WDSUB1: variants seen among roughly 807,000 people sequenced by gnomAD.
The protein encoded by WDSUB1 is WD repeat, sterile alpha motif and U-box domain containing 1.
Under a neutral mutation model 53.9 loss-of-function variants are expected in WDSUB1, and 49 were observed. The observed-to-expected ratio is 0.91, with a 90% CI of 0.72 to 1.15. WDSUB1 has a LOEUF of 1.15. Ranked by LOEUF, WDSUB1 falls within the 50% of genes most tolerant of loss-of-function variation. The probability of loss-of-function intolerance (pLI) is 0.00; values close to 1 mark genes in which losing one functional copy is unlikely to be tolerated. For synonymous variants in WDSUB1, 194 were observed against 200.6 expected, an observed-to-expected ratio of 0.97 and a Z score of 0.28; for missense variants, 514 against 562.0, an observed-to-expected ratio of 0.91 and a Z score of 0.86.
intron 3 of WDSUB1, among the ~76,000 whole-genome samples, chr2:159,278,432 G>A (rs2061587300): frequency 6.6e-6 from 1 of 152,126 alleles, no homozygotes; most frequent in Admixed American, 6.5e-5. Context: ...TGCCTGCCTG[G>A]AGCTTACAAG....
At chr2:159,274,107 G>GGA (rs2061493575) in intron 4 of WDSUB1, among the ~76,000 whole-genome samples, 1 of 152,296 alleles carries the variant, frequency 6.6e-6, no homozygotes, top group South Asian at 2.1e-4. Context: ...TCAACTTTGG[G>GGA]GAGGCAGAAA....
rs2061097420 is a variant in WDSUB1 at position 159,257,757 on chromosome 2, C to T, written c.952+1G>A. On this transcript the variant is annotated splice_donor_variant, in intron 8 of 10. Coordinates refer to ENST00000359774, the MANE Select transcript of WDSUB1 (RefSeq NM_001128212.3). LOFTEE classifies it high-confidence loss of function. ...GAGTGAAAAATGATGTCCTTACTAA[C>T]CTTGGCAAAGTGTTTCCAGGTCAAA... is the stretch of plus-strand genomic sequence containing the variant. 1 of 1,613,068 alleles carries T rather than the reference C, an allele frequency of 6.2e-7. No homozygotes were observed. The highest frequency in any genetic ancestry group is 1.3e-5 in the African/African-American group (1 of 74,980).
chr2:159,254,771 T>A (rs960355977), intron 9 of WDSUB1, among the ~76,000 whole-genome samples: 17 of 152,306 alleles, frequency 1.1e-4, no homozygotes, highest in South Asian at 4.1e-4. Context: ...GAGTTTTTTT[T>A]AAAAACAAAG....
chr2:159,246,209 G>A (rs2151059634), intron 10 of WDSUB1, among the ~76,000 whole-genome samples: 2 of 152,256 alleles, frequency 1.3e-5, no homozygotes, highest in Middle Eastern at 3.4e-3. Flanking sequence ...AAGGCAGGTG[G>A]ATCACGAGGT....
intron 4 of WDSUB1, among the ~76,000 whole-genome samples, chr2:159,272,088 G>A (rs890657880): frequency 2.2e-4 from 33 of 152,312 alleles, no homozygotes; most frequent in Admixed American, 2.0e-3. Context: ...GGGAGCTACA[G>A]GGCAATCTGT....
chr2:159,242,599 G>A (rs2060685168), intron 10 of WDSUB1, among the ~76,000 whole-genome samples: 1 of 147,706 alleles, frequency 6.8e-6, no homozygotes, highest in South Asian at 2.1e-4. Context: ...AGGTTGCAGT[G>A]AGCCAAGATT....
intron 10 of WDSUB1, among the ~76,000 whole-genome samples, chr2:159,239,246 G>GC (rs1284687063): frequency 7.2e-6 from 1 of 139,302 alleles, no homozygotes. Flanking sequence ...CTCAAACAAC[G>GC]CTCCCACCTT....
rs575535372 is a variant in WDSUB1 at position 159,253,477 on chromosome 2, T to C, written c.1132+2719A>G. 2.6e-5 allele frequency among the ~76,000 whole-genome samples: 4 copies of C among 152,336 alleles called. No individual in the cohort carries two copies. In the East Asian group the frequency reaches 5.8e-4, roughly 22 times the overall value. On this transcript the variant is annotated intron_variant, in intron 9 of 10. Coordinates refer to ENST00000359774, the MANE Select transcript of WDSUB1 (RefSeq NM_001128212.3). The stretch of plus-strand genomic sequence containing the variant: ...TTATTGTGTATTTACAAAAGACTCA[T>C]TGAAAAAAGATTTGATAAACTGCTC...
At chr2:159,266,228 G>A (rs1458944004) in intron 5 of WDSUB1, among the ~76,000 whole-genome samples, 1 of 151,624 alleles carries the variant, frequency 6.6e-6, no homozygotes, top group East Asian at 1.9e-4. Flanking sequence ...TTGCTCTGTC[G>A]CCCAGGCTGG....
intron 5 of WDSUB1, among the ~76,000 whole-genome samples, chr2:159,263,145 C>G (rs2061260663): frequency 6.8e-6 from 1 of 147,764 alleles, no homozygotes; most frequent in Non-Finnish European, 1.5e-5. Context: ...GGTGTAATCA[C>G]AGACTCCTCG....
chr2:159,253,210 T>G (rs1575449220), intron 9 of WDSUB1, among the ~76,000 whole-genome samples: 2 of 152,240 alleles, frequency 1.3e-5, no homozygotes, highest in East Asian at 3.8e-4. Flanking sequence ...GTTATAGTAG[T>G]AGTCACAAAT....
At chr2:159,273,473 T>C (rs1406832768) in intron 4 of WDSUB1, among the ~76,000 whole-genome samples, 1 of 152,108 alleles carries the variant, frequency 6.6e-6, no homozygotes, top group Non-Finnish European at 1.5e-5. Context: ...CAGGCTGGAG[T>C]GCGGTGGTAC....
At chr2:159,247,945 A>ATATATATATAAATAT (rs1412175372) in intron 10 of WDSUB1, among the ~76,000 whole-genome samples, 2 of 107,572 alleles carry the variant, frequency 1.9e-5, no homozygotes, top group Admixed American at 1.1e-4. Flanking sequence ...ATATATATAA[A>ATATATATATAAATAT]ATTTGGATTC....
intron 2 of WDSUB1, among the ~76,000 whole-genome samples, chr2:159,282,434 C>T (rs955068216): frequency 3.3e-5 from 5 of 149,702 alleles, no homozygotes; most frequent in East Asian, 1.9e-4. Flanking sequence ...CCTCGTGATC[C>T]GCCTGCCTTG....
Position 159,286,687 on chromosome 2 carries a change from C to T in WDSUB1, c.-129G>A, listed in dbSNP as rs1002393706. On this transcript the variant is annotated 5_prime_UTR_variant, in exon 1 of 11. Transcript: ENST00000359774. ...GGCGGGGCGGGCGCCGGCGGAGACCCAGAGCAGAGGGAACAGGCCCCGCCC... is the reference window on the plus strand; with the variant it reads ...GGCGGGGCGGGCGCCGGCGGAGACCTAGAGCAGAGGGAACAGGCCCCGCCC... The T allele has an allele frequency of 3.9e-5, 6 of 152,548 alleles. No homozygotes were observed. The South Asian group carries it at 6.2e-4, about 16-fold the overall frequency. The allele number at this position is 152,548 out of a possible 1,614,324, so 9.4% of individuals were successfully genotyped here.
intron 8 of WDSUB1, among the ~76,000 whole-genome samples, chr2:159,256,910 T>C (rs1010021702): frequency 9.9e-5 from 15 of 152,174 alleles, no homozygotes; most frequent in African/African-American, 2.2e-4. Flanking sequence ...TTAGAAACCA[T>C]GGGAGGAGTG....
chr2:159,280,592 G>A lies in WDSUB1; in HGVS notation c.399-647C>T, dbSNP rs576975081. On this transcript the variant is annotated intron_variant, in intron 2 of 10. Transcript: ENST00000359774. ...TGTAGTCCCAGCTACTTGGGAGGCT[G>A]AGGCAGGAGAATGGCGTGAACCCGG... Among the ~76,000 whole-genome samples the A allele has an allele frequency of 1.2e-3, 183 of 147,356 alleles. 1 individual carries two copies. Among genetic ancestry groups the A allele is most frequent in the Admixed American group, 2.0e-3 (30 of 14,822 alleles).
In WDSUB1 at chr2:159,279,757, C is replaced by T; in HGVS notation, c.583+4G>A. The T allele has an allele frequency of 6.3e-7, 1 of 1,591,996 alleles. No individual in the cohort carries two copies. The highest frequency in any genetic ancestry group is 1.3e-5 in the African/African-American group (1 of 74,078). ...CTAGTGCTTAAAAGAATAAAATAAC[C>T]AACCAGAAACTGGCTGTGAAGAAAA... On this transcript the variant is annotated splice_donor_region_variant and intron_variant, in intron 3 of 10. Coordinates refer to ENST00000359774, the MANE Select transcript of WDSUB1 (RefSeq NM_001128212.3).
intron 4 of WDSUB1, among the ~76,000 whole-genome samples, chr2:159,272,445 C>T (rs900726003): frequency 6.6e-6 from 1 of 152,064 alleles, no homozygotes; most frequent in Non-Finnish European, 1.5e-5. Flanking sequence ...GTCATAGAGT[C>T]GGGGGATTTG....
Sources: gnomAD v4.1 joint callset for allele counts (sites outside exome capture counted in the v4.1 genomes callset) on GRCh38, gnomAD v4.1.1 for gene constraint, MANE v1.5 for transcripts, NCBI Gene and HGNC (gene_info 2026-07-23, HGNC 2026-07-21) for gene names.